Variants in PVT1 observed in about 807,000 individuals in gnomAD.
PVT1 encodes CXCR4/PVT1 fusion.
At chr8:128,043,006 C>T (rs1438660386) in intron 4 of PVT1, among the ~76,000 whole-genome samples, 1 of 152,054 alleles carries the variant, frequency 6.6e-6, no homozygotes, top group Admixed American at 6.6e-5. Context: ...TCAGGTGATC[C>T]GCCTGCCTCA....
At chr8:127,883,176 C>A (rs908387435) in intron 2 of PVT1, among the ~76,000 whole-genome samples, 8 of 144,112 alleles carry the variant, frequency 5.6e-5, no homozygotes, top group Non-Finnish European at 1.3e-4. Flanking sequence ...ATTATGGCTC[C>A]CCCTGCAAAC....
intron 4 of PVT1, among the ~76,000 whole-genome samples, chr8:128,063,751 T>G (rs1813862227): frequency 6.6e-6 from 1 of 152,120 alleles, no homozygotes; most frequent in African/African-American, 2.4e-5. Flanking sequence ...ATATACAATT[T>G]CAGTTAGGTA....
intron 3 of PVT1, among the ~76,000 whole-genome samples, chr8:127,892,085 A>C (rs1354782676): frequency 6.6e-6 from 1 of 152,228 alleles, no homozygotes; most frequent in Non-Finnish European, 1.5e-5. Context: ...GTGGCGGCCA[A>C]GACCACAGTT....
intron 4 of PVT1, among the ~76,000 whole-genome samples, chr8:128,055,132 A>G (rs899541757): frequency 2.0e-5 from 3 of 152,216 alleles, no homozygotes; most frequent in African/African-American, 7.2e-5. Context: ...TCAATTCCTT[A>G]TAATCTCTCT....
intron 3 of PVT1, among the ~76,000 whole-genome samples, chr8:127,908,539 A>G (rs1815852117): frequency 6.6e-6 from 1 of 151,676 alleles, no homozygotes; most frequent in Admixed American, 6.6e-5. Context: ...ACGGGGTTTC[A>G]CCATATTGAC....
intron 2 of PVT1, among the ~76,000 whole-genome samples, chr8:127,880,943 C>T (rs73357046): frequency 0.012 from 1,788 of 152,290 alleles, 39 homozygotes; most frequent in African/African-American, 0.041. Flanking sequence ...AGCACTGTGC[C>T]GGACACGCAT....
intron 3 of PVT1, among the ~76,000 whole-genome samples, chr8:127,983,373 C>T (rs1316936138): frequency 6.6e-6 from 1 of 152,136 alleles, no homozygotes; most frequent in Non-Finnish European, 1.5e-5. Context: ...ATTAAGGTGA[C>T]ATAGGTTTTT....
At chr8:127,997,240 C>T (rs1192448037) in intron 4 of PVT1, among the ~76,000 whole-genome samples, 3 of 151,732 alleles carry the variant, frequency 2.0e-5, no homozygotes, top group African/African-American at 7.3e-5. Context: ...GGGGTTTCTC[C>T]GTGTTGGTCA....
At chr8:128,086,878 C>G (rs926247002) in intron 5 of PVT1, among the ~76,000 whole-genome samples, 98 of 152,172 alleles carry the variant, frequency 6.4e-4, no homozygotes, top group Non-Finnish European at 7.4e-5. Context: ...GTTGATTACT[C>G]CTATTGGACT....
rs138280316 is a variant in PVT1 at position 127,847,781 on chromosome 8, G to A, written n.373-42808G>A. On this transcript the variant is annotated intron_variant and non_coding_transcript_variant, in intron 2 of 10. Transcript: ENST00000651587. ...ATGGGTGTAGAGGGGATGTAAAAATGTGTCTTTGCACAAACTCTGTTAGGA... is the reference window on the plus strand; with the variant it reads ...ATGGGTGTAGAGGGGATGTAAAAATATGTCTTTGCACAAACTCTGTTAGGA... Among the ~76,000 whole-genome samples, 732 of 152,294 alleles carry A rather than the reference G, an allele frequency of 4.8e-3. 6 individuals are homozygous for A. The highest frequency in any genetic ancestry group is 0.016 in the African/African-American group (680 of 41,552).
chr8:128,048,881 A>T (rs1263840103), intron 4 of PVT1, among the ~76,000 whole-genome samples: 5 of 152,126 alleles, frequency 3.3e-5, no homozygotes, highest in African/African-American at 1.2e-4. Context: ...CCAGGGAAAA[A>T]TCCCCATGCC....
intron 3 of PVT1, chr8:127,946,542 G>A (rs1044596446): frequency 6.6e-6 from 1 of 152,320 alleles, no homozygotes; most frequent in African/African-American, 2.4e-5. Flanking sequence ...ATGATAGCAA[G>A]ACTATTAAAC....
intron 2 of PVT1, among the ~76,000 whole-genome samples, chr8:127,807,882 C>T (rs1460024479): frequency 6.6e-6 from 1 of 151,936 alleles, no homozygotes; most frequent in East Asian, 1.9e-4. Context: ...ATTCTCCTGC[C>T]TCAGCCTCCC....
intron 3 of PVT1, among the ~76,000 whole-genome samples, chr8:127,966,221 T>A (rs1262504928): frequency 1.3e-5 from 2 of 152,192 alleles, no homozygotes; most frequent in African/African-American, 4.8e-5. Context: ...TGTATGGTAT[T>A]GAATTTACCT....
chr8:127,996,572 C>G (rs1340644635), intron 4 of PVT1: 1 of 151,828 alleles, frequency 6.6e-6, no homozygotes. Context: ...GTGTGGGCAC[C>G]CTGGCTTCAA....
intron 3 of PVT1, among the ~76,000 whole-genome samples, chr8:127,970,942 G>A (rs2129963173): frequency 6.6e-6 from 1 of 152,262 alleles, no homozygotes; most frequent in South Asian, 2.1e-4. Flanking sequence ...CAAACTGACA[G>A]GCTATCAGTT....
chr8:128,086,137 C>A (rs1348533229), intron 5 of PVT1, among the ~76,000 whole-genome samples: 2 of 152,250 alleles, frequency 1.3e-5, no homozygotes, highest in African/African-American at 4.8e-5. Context: ...AGCAGTAACT[C>A]ATCCCTAGTA....
rs876693 is a variant in PVT1 at position 128,025,736 on chromosome 8, G to A, written n.912+36445G>A. On this transcript the variant is annotated intron_variant and non_coding_transcript_variant, in intron 4 of 10. Coordinates refer to ENST00000651587, the Ensembl canonical transcript of PVT1. ...AAGTCAGAGCATTGCAATAATTAACGTTTTGAAAGCTCCCTGATTTCCAAA... is the reference window on the plus strand; with the variant it reads ...AAGTCAGAGCATTGCAATAATTAACATTTTGAAAGCTCCCTGATTTCCAAA... Among the ~76,000 whole-genome samples, 91 of 152,222 alleles carry A rather than the reference G, an allele frequency of 6.0e-4. 1 individual carries two copies. The highest frequency in any genetic ancestry group is 1.9e-3 in the African/African-American group (81 of 41,542).
intron 3 of PVT1, among the ~76,000 whole-genome samples, chr8:127,968,767 C>A (rs919415277): frequency 6.6e-6 from 1 of 152,032 alleles, no homozygotes; most frequent in African/African-American, 2.4e-5. Flanking sequence ...AGCTCTTAAT[C>A]CAATGAAGGA....
Sources: gnomAD v4.1 joint callset for allele counts (sites outside exome capture counted in the v4.1 genomes callset) on GRCh38, gnomAD v4.1.1 for gene constraint, MANE v1.5 for transcripts, NCBI Gene and HGNC (gene_info 2026-07-23, HGNC 2026-07-21) for gene names.